The following FGA variants were observed in gnomAD, a reference collection of about 807,000 sequenced individuals.
FGA encodes fibrinogen, A alpha polypeptide.
In FGA, 20 loss-of-function variants were observed where a neutral mutation model predicts 20.3. The observed-to-expected ratio is 0.99, with a 90% CI of 0.69 to 1.43. The LOEUF (loss-of-function observed/expected upper bound fraction) is 1.43. FGA is among the 40% of genes most tolerant of loss of function. The probability of loss-of-function intolerance (pLI) is 0.00; values close to 1 mark genes in which losing one functional copy is unlikely to be tolerated. For synonymous variants in FGA, 306 were observed against 281.6 expected (o/e 1.09, Z -0.87); for missense variants, 777 against 784.7 (o/e 0.99, Z 0.12).
chr4:154,589,304 T>C, intron 2 of FGA, 133 bp downstream of exon 2: 2 of 1,098,646 alleles, frequency 1.8e-6, no homozygotes, highest in African/African-American at 3.1e-5. Flanking sequence ...AGGTTCCTTT[T>C]CTTTATTTGC....
intron 1 of FGA, 141 bp from the exon 2 acceptor site, chr4:154,589,703 G>T: frequency 2.2e-6 from 2 of 913,214 alleles, no homozygotes; most frequent in South Asian, 1.4e-5. Flanking sequence ...GCTTCGGCAA[G>T]CTTCAGGTTT....
At position 154,588,822 on chromosome 4, in the gene FGA, A is replaced by G. The variant is rs774951769; in HGVS notation, c.335T>C (p.Ile112Thr). ...SHSLTTNIME[I>T]LRGDFSSANN... ...GGCTGAGGAAAAATCGCCTCTCAAA[A>G]TTTCCATTATATTAGTGGTCAACGA... is the stretch of plus-strand genomic sequence containing the variant. The change falls in exon 3 of 5, where the codon ATT (isoleucine) becomes ACT (threonine). Residue 112 changes from isoleucine to threonine, a missense_variant. Coordinates refer to ENST00000403106, the MANE Select transcript of FGA (RefSeq NM_021871.4). 6.2e-7 allele frequency: 1 copy of G among 1,612,016 alleles called. No homozygotes were observed. The highest frequency in any genetic ancestry group is 8.5e-7 in the Non-Finnish European group (1 of 1,179,222).
chr4:154,587,791 G>GAAAGAAAT (rs1553964357), intron 3 of FGA, 134 bp from the exon 4 acceptor site: 3 of 709,490 alleles, frequency 4.2e-6, no homozygotes, highest in Admixed American at 2.7e-5. Context: ...AAGAAAGAAA[G>GAAAGAAAT]AAAGAAAGAA....
chr4:154,587,398 A>T, intron 4 of FGA, 114 bp downstream of exon 4: 3 of 987,124 alleles, frequency 3.0e-6, no homozygotes, highest in Non-Finnish European at 3.2e-6. Context: ...TTTTAGGTAG[A>T]TGATGGATAT....
At position 154,589,476 on chromosome 4, in the gene FGA, G is replaced by A; in HGVS notation, c.141C>T (p.Cys47=). ...PRVVERHQSA[C]KDSDWPFCSD... is the part of the protein sequence containing the mutation. ...AGCAGAAGGGCCAGTCTGAATCTTT[G>A]CAGGCAGATTGATGTCTTTCCACAA... is the stretch of plus-strand genomic sequence containing the variant. Residue 47 remains cysteine, a synonymous_variant, in exon 2 of 5, where the codon TGC becomes TGT. Coordinates refer to ENST00000403106, the MANE Select transcript of FGA (RefSeq NM_021871.4). 6.2e-7 allele frequency: 1 copy of A among 1,614,082 alleles called. No individual in the cohort carries two copies. Among genetic ancestry groups the A allele is most frequent in the South Asian group, 1.1e-5 (1 of 91,076 alleles).
chr4:154,584,203 A>G (rs1164715027), downstream of FGA: 3 of 1,613,746 alleles, frequency 1.9e-6, no homozygotes, highest in Non-Finnish European at 2.5e-6. Flanking sequence ...AACCCAGACC[A>G]CTCCATTCTC....
downstream of FGA, chr4:154,585,199 G>A: frequency 7.7e-7 from 1 of 1,292,260 alleles, no homozygotes; most frequent in Non-Finnish European, 9.9e-7. Context: ...AATCAGTTGG[G>A]TGACAATTCT....
chr4:154,584,570 G>A, downstream of FGA: 2 of 1,614,126 alleles, frequency 1.2e-6, no homozygotes, highest in Non-Finnish European at 8.5e-7. Flanking sequence ...GAGCCCCTTT[G>A]GGTTAGTAAG....
At chr4:154,589,615 A>AAGAGGAGAC in intron 1 of FGA, 53 bp from the exon 2 acceptor site, 8 of 1,600,430 alleles carry the variant, frequency 5.0e-6, no homozygotes, top group Non-Finnish European at 6.8e-6. Flanking sequence ...TGTTAGCCAG[A>AAGAGGAGAC]AGAGGAGACA....
chr4:154,590,090 A>T (rs1268107749), intron 1 of FGA, among the ~76,000 whole-genome samples: 1 of 152,204 alleles, frequency 6.6e-6, no homozygotes, highest in African/African-American at 2.4e-5. Context: ...GGAAAAGCGT[A>T]TTGCCTTACT....
At chr4:154,584,483 C>T, downstream of FGA, 1 of 1,614,170 alleles carries the variant, frequency 6.2e-7, no homozygotes, top group Admixed American at 1.7e-5. Flanking sequence ...TAGCCTTCAG[C>T]CTCAGAGCCT....
chr4:154,584,572 G>T (rs1560823652), downstream of FGA: 1 of 1,614,154 alleles, frequency 6.2e-7, no homozygotes, highest in Non-Finnish European at 8.5e-7. Flanking sequence ...GCCCCTTTGG[G>T]TTAGTAAGTG....
Position 154,586,014 on chromosome 4 carries a change from G to A in FGA, c.1415C>T (p.Pro472Leu). The change falls in exon 5 of 5, where the codon CCT becomes CTT. Residue 472 changes from proline (P) to leucine (L), a missense_variant. Pro to Leu is a moderately conservative substitution (Grantham distance 98, BLOSUM62 -3). Coordinates refer to ENST00000403106, the MANE Select transcript of FGA (RefSeq NM_021871.4). ...SKTVTKTVIG[P>L]DGHKEVTKEV... ...TTTGGTAACTTCTTTGTGACCATCAGGACCAATAACAGTCTTAGTAACGGT... is the reference window on the plus strand; with the variant it reads ...TTTGGTAACTTCTTTGTGACCATCAAGACCAATAACAGTCTTAGTAACGGT... The A allele has an allele frequency of 1.9e-6, 3 of 1,614,150 alleles. No homozygotes were observed.
Position 154,587,675 on chromosome 4 carries a change from G to A in FGA, c.365-18C>T, listed in dbSNP as rs1397176524. 2 of 1,610,080 alleles carry A rather than the reference G, an allele frequency of 1.2e-6. No homozygotes were observed. The highest frequency in any genetic ancestry group is 3.3e-5 in the Admixed American group (2 of 59,834). ...ATCACGGTCTGAAATCGAAAATATG[G>A]TTATTGAAGTAGCTGCTGAGTGATT... On this transcript the variant is annotated intron_variant, in intron 3 of 4. Transcript: ENST00000403106.
At chr4:154,589,081 AG>A in intron 2 of FGA, 105 bp from the exon 3 acceptor site, 1 of 1,021,860 alleles carries the variant, frequency 9.8e-7, no homozygotes, top group South Asian at 1.4e-5. Context: ...TATCTCTTCC[AG>A]ATAAGTTGGC....
intron 3 of FGA, among the ~76,000 whole-genome samples, chr4:154,588,250 C>T (rs991614814): frequency 1.3e-5 from 2 of 152,160 alleles, no homozygotes; most frequent in Admixed American, 6.5e-5. Context: ...CAAAGCAAAA[C>T]TTGAGAAACT....
Position 154,589,438 on chromosome 4 carries a change from C to T in FGA, c.179G>A (p.Trp60Ter). The change falls in exon 2 of 5, where the codon TGG becomes TAG. Residue 60 changes from tryptophan to a stop codon, truncating the protein, a stop_gained and splice_region_variant. Transcript: ENST00000403106. LOFTEE classifies it high-confidence loss of function. ...CTGCTTCCCCCGCTGACTGCTTACC[C>T]AGTCTTCATCAGAGCAGAAGGGCCA... ...SDWPFCSDED[W>*]NYKCPSGCRM... 2 of 1,613,994 alleles carry T rather than the reference C, an allele frequency of 1.2e-6. No individual in the cohort carries two copies. The highest frequency in any genetic ancestry group is 8.5e-7 in the Non-Finnish European group (1 of 1,180,002).
chr4:154,584,266 A>T, downstream of FGA: 1 of 1,614,082 alleles, frequency 6.2e-7, no homozygotes, highest in Non-Finnish European at 8.5e-7. Flanking sequence ...AGGGTAGTAG[A>T]TTCCATTGAG....
At chr4:154,585,259 T>C, downstream of FGA, 1 of 1,353,878 alleles carries the variant, frequency 7.4e-7, no homozygotes, top group Non-Finnish European at 9.5e-7. Context: ...TAAGCTCAAA[T>C]AGAGTTTCAG....
Sources: gnomAD v4.1 joint callset for allele counts (sites outside exome capture counted in the v4.1 genomes callset) on GRCh38, gnomAD v4.1.1 for gene constraint, MANE v1.5 for transcripts, NCBI Gene and HGNC (gene_info 2026-07-23, HGNC 2026-07-21) for gene names.